TMEM39A: variants seen among roughly 807,000 people sequenced by gnomAD.
TMEM39A encodes the protein suppressor of SQST-1 aggregates in rpl-43 mutants.
In TMEM39A, 19 loss-of-function variants were observed where a neutral mutation model predicts 51.9. The ratio of observed to expected loss-of-function variants is 0.37; its 90% CI spans 0.26 to 0.54. The LOEUF (loss-of-function observed/expected upper bound fraction) is 0.54. Among genes scored for constraint, TMEM39A ranks in the 20% least tolerant of loss-of-function variants. TMEM39A has a pLI of 0.88. For synonymous variants in TMEM39A, 197 were observed against 220.2 expected (o/e 0.89, Z 0.93); for missense variants, 433 against 590.5 (o/e 0.73, Z 2.76).
intron 5 of TMEM39A, among the ~76,000 whole-genome samples, chr3:119,442,866 C>T (rs1314511189): frequency 6.6e-6 from 1 of 152,016 alleles, no homozygotes; most frequent in South Asian, 2.1e-4. Flanking sequence ...TCGACACCAG[C>T]CTAGGCAACA....
chr3:119,443,230 A>C (rs1193442686), intron 5 of TMEM39A, among the ~76,000 whole-genome samples: 1 of 152,174 alleles, frequency 6.6e-6, no homozygotes, highest in Non-Finnish European at 1.5e-5. Context: ...AATGACAAAG[A>C]GTTTAGAATA....
intron 2 of TMEM39A, among the ~76,000 whole-genome samples, chr3:119,461,575 T>G (rs1370615413): frequency 1.3e-5 from 2 of 152,218 alleles, no homozygotes; most frequent in Non-Finnish European, 2.9e-5. Flanking sequence ...GACCAAACAA[T>G]TTTTTGACAA....
chr3:119,440,418 T>C (rs2081036266), intron 5 of TMEM39A, among the ~76,000 whole-genome samples: 1 of 152,220 alleles, frequency 6.6e-6, no homozygotes, highest in African/African-American at 2.4e-5. Context: ...AAAATCATTC[T>C]AGCTACAATA....
Position 119,440,569 on chromosome 3 carries a change from A to G in TMEM39A, c.576-2466T>C, listed in dbSNP as rs548077548. On this transcript the variant is annotated intron_variant, in intron 5 of 8. Transcript: ENST00000319172. ...CAACTGTTAGACTTTAGACTAATTCACCCTAATGAGAAGCTATTTGAGAAC... is the reference window on the plus strand; with the variant it reads ...CAACTGTTAGACTTTAGACTAATTCGCCCTAATGAGAAGCTATTTGAGAAC... 5.3e-5 allele frequency among the ~76,000 whole-genome samples: 8 copies of G among 152,298 alleles called. No individual in the cohort carries two copies. The South Asian group carries it at 1.7e-3, about 32-fold the overall frequency.
At chr3:119,450,660 A>G (rs1199410928) in intron 4 of TMEM39A, among the ~76,000 whole-genome samples, 1 of 151,864 alleles carries the variant, frequency 6.6e-6, no homozygotes, top group Non-Finnish European at 1.5e-5. Context: ...TGTCTCTACT[A>G]AAAACACAAA....
At position 119,447,051 on chromosome 3, in the gene TMEM39A, T is replaced by C; in HGVS notation, c.542A>G (p.His181Arg). The C allele has an allele frequency of 6.2e-7, 1 of 1,614,146 alleles. No individual in the cohort carries two copies. Among genetic ancestry groups the C allele is most frequent in the South Asian group, 1.1e-5 (1 of 91,074 alleles). Residue 181 changes from histidine to arginine, a missense_variant, in exon 5 of 9, where the codon CAT becomes CGT. This residue lies in a region of TMEM39A where 170 missense variants were observed against 239.8 expected (regional missense o/e 0.71). Transcript: ENST00000319172. ...CWTLVNLFRS[H>R]SVLNLLFLGY... ...AAGGAAAAGGAGATTGAGGACTGAA[T>C]GGCTTCGAAAGAGATTGACGAGGGT...
At position 119,452,560 on chromosome 3, in the gene TMEM39A, A is replaced by C. The variant is rs925127917; in HGVS notation, c.337-30T>G. 5.2e-6 allele frequency: 8 copies of C among 1,549,146 alleles called. No individual in the cohort carries two copies. The African/African-American group carries it at 1.1e-4, about 21-fold the overall frequency. Reference sequence around the variant, plus strand: ...AACAGAAATAAATAACTACATCAGAAAGAAATATGATGTGTATTCAGCTGG... The same window carrying C: ...AACAGAAATAAATAACTACATCAGACAGAAATATGATGTGTATTCAGCTGG... On this transcript the variant is annotated intron_variant, in intron 3 of 8. Coordinates refer to ENST00000319172, the MANE Select transcript of TMEM39A (RefSeq NM_018266.3).
rs1200467789 is a variant in TMEM39A at position 119,458,047 on chromosome 3, A to C, written c.307T>G (p.Tyr103Asp). 1 of 1,614,048 alleles carries C rather than the reference A, an allele frequency of 6.2e-7. No individual in the cohort carries two copies. The highest frequency in any genetic ancestry group is 1.7e-5 in the Admixed American group (1 of 60,034). ...NIYKTVWWYP[Y>D]NHPASCTSLN... ...GATGTACAAGAAGCAGGATGATTGT[A>C]AGGATACCACCACACTGTTTTATAA... Residue 103 changes from tyrosine (Y) to aspartate (D), a missense_variant, in exon 3 of 9, where the codon TAC becomes GAC. Physicochemically the swap from Tyr to Asp is radical, Grantham distance 160 (BLOSUM62 -3). Transcript: ENST00000319172.
In TMEM39A at chr3:119,462,878, TAA is replaced by T. The variant is rs150702930; in HGVS notation, c.-75+456_-75+457del. On this transcript the variant is annotated intron_variant, in intron 1 of 8. Transcript: ENST00000319172. ...GCAAGATTAAGAAGCAAGTAAAAGA[TAA>T]AGATCCTCACTGGAAAAAAAAAAAA... is the stretch of plus-strand genomic sequence containing the variant. 8.7e-3 allele frequency among the ~76,000 whole-genome samples: 1,133 copies of T among 130,888 alleles called. 19 individuals are homozygous for T. The highest frequency in any genetic ancestry group is 0.084 in the South Asian group (341 of 4,036). The allele number at this position is 130,888 out of a possible 152,430, so 85.9% of individuals were successfully genotyped here.
At chr3:119,451,358 T>A in intron 4 of TMEM39A, 1 of 1,136,630 alleles carries the variant, frequency 8.8e-7, no homozygotes, top group Non-Finnish European at 1.2e-6. Context: ...GACTCTCAAT[T>A]ATTTGTGATT....
intron 3 of TMEM39A, among the ~76,000 whole-genome samples, chr3:119,455,192 G>A (rs1168633878): frequency 1.3e-5 from 2 of 152,166 alleles, no homozygotes; most frequent in Non-Finnish European, 2.9e-5. Flanking sequence ...GTCCTTGCTA[G>A]AGCCTCCTGA....
In TMEM39A at chr3:119,463,581, A is replaced by G. The variant is rs2081368471; in HGVS notation, c.-320T>C. The G allele has an allele frequency of 7.5e-6, 3 of 398,712 alleles. No homozygotes were observed. The highest frequency in any genetic ancestry group is 1.3e-5 in the Non-Finnish European group (3 of 226,210). The allele number at this position is 398,712 out of a possible 1,614,324, so 24.7% of individuals were successfully genotyped here. A position where few individuals can be genotyped will look rare whatever the true frequency, so the allele number is the denominator to read the frequency against. ...AGCTAGAGCCAGAGCCTGATACTTCAGCACCCATCCCTAGCCTCCATTACC... is the reference window on the plus strand; with the variant it reads ...AGCTAGAGCCAGAGCCTGATACTTCGGCACCCATCCCTAGCCTCCATTACC... On this transcript the variant is annotated 5_prime_UTR_variant, in exon 1 of 9. An upstream open reading frame in the 5' UTR loses its in-frame stop. Coordinates refer to ENST00000319172, the MANE Select transcript of TMEM39A (RefSeq NM_018266.3).
chr3:119,443,025 C>A (rs1173082036), intron 5 of TMEM39A, among the ~76,000 whole-genome samples: 1 of 148,450 alleles, frequency 6.7e-6, no homozygotes, highest in African/African-American at 2.5e-5. Flanking sequence ...ATGATTATAC[C>A]ACTGCACTCC....
chr3:119,449,286 G>A (rs1038969009), intron 4 of TMEM39A, among the ~76,000 whole-genome samples: 1 of 152,036 alleles, frequency 6.6e-6, no homozygotes, highest in African/African-American at 2.4e-5. Context: ...GCAAAATGTG[G>A]TCTTTGGCCG....
intron 5 of TMEM39A, among the ~76,000 whole-genome samples, chr3:119,445,196 A>T (rs2081107658): frequency 1.3e-5 from 2 of 152,232 alleles, no homozygotes. Flanking sequence ...TAAGTCACAC[A>T]GGTATGTCCA....
At chr3:119,460,929 G>A (rs894955910) in intron 2 of TMEM39A, among the ~76,000 whole-genome samples, 5 of 151,862 alleles carry the variant, frequency 3.3e-5, no homozygotes, top group Admixed American at 6.6e-5. Context: ...AAGCATTTTC[G>A]CATATTCTCA....
chr3:119,430,488 G>A lies in TMEM39A; in HGVS notation c.*1493C>T, dbSNP rs559219654. The A allele has an allele frequency of 1.3e-5, 2 of 151,968 alleles. No individual in the cohort carries two copies. The highest frequency in any genetic ancestry group is 2.4e-5 in the African/African-American group (1 of 41,384). The allele number at this position is 151,968 out of a possible 1,614,324, so 9.4% of individuals were successfully genotyped here. A position where few individuals can be genotyped will look rare whatever the true frequency, so the allele number is the denominator to read the frequency against. On this transcript the variant is annotated 3_prime_UTR_variant, in exon 9 of 9. Coordinates refer to ENST00000319172, the MANE Select transcript of TMEM39A (RefSeq NM_018266.3). ...CACGCATATTGTAAGCTCTGTGCAA[G>A]TAGGACCTTTGCATTTCTCATTCAC...
Position 119,437,773 on chromosome 3 carries a change from G to T in TMEM39A, c.906C>A (p.Leu302=). The change falls in exon 6 of 9, where the codon CTC becomes CTA. Residue 302 remains leucine (L), a synonymous_variant. Coordinates refer to ENST00000319172, the MANE Select transcript of TMEM39A (RefSeq NM_018266.3). ...CACTTACCTTCACAAAACACAGGGG[G>T]AGAAATGCAACATAGTAGGCACTGA... ...SLFSAYYVAF[L]PLCFVKSTQY... is the part of the protein sequence containing the mutation. The T allele has an allele frequency of 6.4e-7, 1 of 1,550,854 alleles. No individual in the cohort carries two copies. Among genetic ancestry groups the T allele is most frequent in the Non-Finnish European group, 8.8e-7 (1 of 1,142,410 alleles).
At chr3:119,432,708 A>AG (rs2080916850) in intron 8 of TMEM39A, among the ~76,000 whole-genome samples, 1 of 152,156 alleles carries the variant, frequency 6.6e-6, no homozygotes, top group Admixed American at 6.5e-5. Context: ...ACACTAGACA[A>AG]GTTTGGGGAA....
Sources: gnomAD v4.1 joint callset for allele counts (sites outside exome capture counted in the v4.1 genomes callset) on GRCh38, gnomAD v4.1.1 for gene constraint, gnomAD v4.1.1 regional missense constraint, MANE v1.5 for transcripts, NCBI Gene and HGNC (gene_info 2026-07-23, HGNC 2026-07-21) for gene names.